The following SNRPN variants were observed in gnomAD, a reference collection of about 807,000 sequenced individuals.
SNRPN encodes the protein small nuclear ribonucleoprotein-associated protein N.
A neutral mutation model predicts 25.2 loss-of-function variants in SNRPN; 7 were observed. The ratio of observed to expected loss-of-function variants is 0.28; its 90% CI spans 0.16 to 0.52. SNRPN has a LOEUF of 0.52. Ranked by LOEUF, SNRPN falls within the 20% of genes least tolerant of loss-of-function variation. The probability of loss-of-function intolerance (pLI) is 0.96; values close to 1 mark genes in which losing one functional copy is unlikely to be tolerated. For missense variants in SNRPN, 196 were observed against 322.5 expected (o/e 0.61, Z 3.00); for synonymous variants, 124 against 110.6 (o/e 1.12, Z -0.76).
chr15:24,857,977 CG>C (rs1039348634), intron 1 of SNRPN, among the ~76,000 whole-genome samples: 5 of 151,820 alleles, frequency 3.3e-5, no homozygotes, highest in African/African-American at 1.2e-4. Context: ...GTCAGTTCCC[CG>C]GTTGGGGCCA....
At chr15:24,954,977 C>A (rs2062594780), upstream of SNRPN, 2 of 1,602,952 alleles carry the variant, frequency 1.2e-6, no homozygotes, top group Non-Finnish European at 1.7e-6. Context: ...GCTGCTGCAG[C>A]GAGTCTGGCG....
intron 2 of SNRPN, among the ~76,000 whole-genome samples, chr15:24,895,176 GC>G (rs752131249): frequency 8.5e-5 from 13 of 152,116 alleles, no homozygotes; most frequent in Non-Finnish European, 1.2e-4. Context: ...TCTGGGTAAA[GC>G]GTGGCAGCTC....
intron 3 of SNRPN, among the ~76,000 whole-genome samples, chr15:24,932,801 C>T (rs1253163873): frequency 3.3e-5 from 5 of 152,070 alleles, no homozygotes; most frequent in East Asian, 3.9e-4. Flanking sequence ...AGGCATGTGC[C>T]GCCACACCCA....
chr15:24,913,025 C>T (rs556426641), intron 2 of SNRPN, among the ~76,000 whole-genome samples: 7 of 152,052 alleles, frequency 4.6e-5, no homozygotes, highest in Non-Finnish European at 8.8e-5. Context: ...CTGCAACCTC[C>T]GCCTCCTGGG....
chr15:24,869,179 A>G (rs1281986284), intron 1 of SNRPN, among the ~76,000 whole-genome samples: 1 of 152,140 alleles, frequency 6.6e-6, no homozygotes, highest in African/African-American at 2.4e-5. Context: ...GGGGTTTTCA[A>G]CAATATTGAC....
intron 1 of SNRPN, among the ~76,000 whole-genome samples, chr15:24,859,366 C>A (rs1254665813): frequency 1.3e-5 from 2 of 151,964 alleles, no homozygotes; most frequent in Admixed American, 6.6e-5. Context: ...TGTACAAATG[C>A]CAACAAGATT....
upstream of SNRPN, among the ~76,000 whole-genome samples, chr15:24,853,786 C>T (rs2146054335): frequency 6.6e-6 from 1 of 152,272 alleles, no homozygotes; most frequent in Non-Finnish European, 1.5e-5. Context: ...ATCATGTTGA[C>T]CTTAATTTGA....
At chr15:24,893,781 G>C (rs1336161908) in intron 2 of SNRPN, among the ~76,000 whole-genome samples, 1 of 151,896 alleles carries the variant, frequency 6.6e-6, no homozygotes, top group South Asian at 2.1e-4. Context: ...ATGGTGATAG[G>C]GTTTTCATAT....
intron 1 of SNRPN, among the ~76,000 whole-genome samples, chr15:24,957,730 A>T (rs966083507): frequency 2.0e-5 from 3 of 152,086 alleles, no homozygotes; most frequent in African/African-American, 7.2e-5. Flanking sequence ...GATATTTATA[A>T]TTTACCCTTT....
At chr15:24,871,987 A>G (rs146274739) in intron 1 of SNRPN, among the ~76,000 whole-genome samples, 2,876 of 118,924 alleles carry the variant, frequency 0.024, 698 homozygotes, top group African/African-American at 0.071. Context: ...TTACAGGCGT[A>G]AGCCACCACG....
chr15:24,833,629 T>G (rs1442119351), intron 2 of SNRPN, among the ~76,000 whole-genome samples: 1 of 152,050 alleles, frequency 6.6e-6, no homozygotes, highest in Non-Finnish European at 1.5e-5. Flanking sequence ...TCTGTTTTCA[T>G]AGAGGAAGAA....
chr15:24,938,749 T>C (rs1478761255), intron 3 of SNRPN, among the ~76,000 whole-genome samples: 1 of 152,116 alleles, frequency 6.6e-6, no homozygotes, highest in Non-Finnish European at 1.5e-5. Flanking sequence ...GGTTTGAGCA[T>C]AGGATGGGTT....
chr15:24,878,623 G>A (rs1272744677), intron 1 of SNRPN, among the ~76,000 whole-genome samples: 1 of 152,148 alleles, frequency 6.6e-6, no homozygotes, highest in Non-Finnish European at 1.5e-5. Context: ...GTGTGCATTA[G>A]CCTTGAGTTT....
At chr15:24,903,734 T>C (rs1010650596) in intron 2 of SNRPN, among the ~76,000 whole-genome samples, 32 of 152,090 alleles carry the variant, frequency 2.1e-4, no homozygotes, top group Non-Finnish European at 7.3e-5. Context: ...CCCAGAAAGC[T>C]GGAAGAAGAA....
chr15:24,873,621 G>A (rs1176489043), intron 1 of SNRPN, among the ~76,000 whole-genome samples: 3 of 151,944 alleles, frequency 2.0e-5, no homozygotes, highest in Non-Finnish European at 4.4e-5. Context: ...CTAATTTTTT[G>A]TATTTTTAGT....
rs2077324210 is a variant in SNRPN, at chr15:24,978,591, TTG to T, written c.*149_*150del. ...AGAGCAATTAAACTGTGAGGTACTG[TTG>T]TATATATTTTTTTGCCTGTTGATTT... On this transcript the variant is annotated 3_prime_UTR_variant, in exon 10 of 10. Coordinates refer to ENST00000390687, the MANE Select transcript of SNRPN (RefSeq NM_003097.6). 5.2e-6 allele frequency: 4 copies of T among 762,682 alleles called. No individual in the cohort carries two copies. The South Asian group carries it at 6.5e-5, about 12-fold the overall frequency. 47.2% of individuals were successfully genotyped at this position (762,682 alleles called of 1,614,324 possible).
intron 1 of SNRPN, among the ~76,000 whole-genome samples, chr15:24,881,668 A>T (rs907631532): frequency 6.6e-6 from 1 of 151,906 alleles, no homozygotes; most frequent in Admixed American, 6.6e-5. Context: ...ACTAAAAAAA[A>T]ATCGTGTTCC....
chr15:24,912,177 C>T (rs75172516), intron 2 of SNRPN, among the ~76,000 whole-genome samples: 2,898 of 152,212 alleles, frequency 0.019, 91 homozygotes, highest in African/African-American at 0.064. Flanking sequence ...GCCATGGGGT[C>T]GAGCTATGTC....
intron 2 of SNRPN, chr15:24,909,157 C>G (rs2152034021): frequency 1.4e-6 from 2 of 1,392,354 alleles, no homozygotes; most frequent in Admixed American, 3.4e-5. Flanking sequence ...ATTGAGAGAA[C>G]TGTTTCTTGT....
Sources: gnomAD v4.1 joint callset for allele counts (sites outside exome capture counted in the v4.1 genomes callset) on GRCh38, gnomAD v4.1.1 for gene constraint, MANE v1.5 for transcripts, NCBI Gene and HGNC (gene_info 2026-07-23, HGNC 2026-07-21) for gene names.